The following COL6A6 variants were observed in gnomAD, a reference collection of about 807,000 sequenced individuals.
The protein encoded by COL6A6 is collagen alpha-6(VI) chain.
A neutral mutation model predicts 208.6 loss-of-function variants in COL6A6; 183 were observed. The observed-to-expected ratio is 0.88, with a 90% CI of 0.78 to 0.99. The LOEUF (loss-of-function observed/expected upper bound fraction) is 0.99. Among genes scored for constraint, COL6A6 ranks in the 50% least tolerant of loss-of-function variants. The pLI is 0.00. For missense variants in COL6A6, 2,816 were observed against 2,815.2 expected, an observed-to-expected ratio of 1.00 and a Z score of -0.01; for synonymous variants, 973 against 1,011.8, an observed-to-expected ratio of 0.96 and a Z score of 0.73.
At chr3:130,566,246 T>TA (rs1392520786) in intron 4 of COL6A6, among the ~76,000 whole-genome samples, 1 of 152,208 alleles carries the variant, frequency 6.6e-6, no homozygotes, top group Non-Finnish European at 1.5e-5. Flanking sequence ...GTCTCACTCA[T>TA]GAATAGTAGC....
intron 34 of COL6A6, among the ~76,000 whole-genome samples, chr3:130,661,376 A>G (rs2065925943): frequency 6.6e-6 from 1 of 152,180 alleles, no homozygotes; most frequent in African/African-American, 2.4e-5. Flanking sequence ...GCCAAGATTA[A>G]ACTTCTGTTG....
chr3:130,586,458 A>G, intron 10 of COL6A6, 48 bp from the exon 11 acceptor site: 1 of 1,544,000 alleles, frequency 6.5e-7, no homozygotes, highest in Non-Finnish European at 8.7e-7. Context: ...AAAAAACTAA[A>G]GTAACCAAAC....
At chr3:130,627,398 T>C (rs1442531575) in intron 26 of COL6A6, 29 bp downstream of exon 26, 1 of 1,609,248 alleles carries the variant, frequency 6.2e-7, no homozygotes. Flanking sequence ...AAGCTGGACG[T>C]TTTCCATTTA....
intron 24 of COL6A6, among the ~76,000 whole-genome samples, chr3:130,623,350 C>A (rs770833976): frequency 1.3e-5 from 2 of 151,988 alleles, no homozygotes; most frequent in Non-Finnish European, 2.9e-5. Context: ...CCCAGCTACT[C>A]GGGAGGCTAA....
At chr3:130,582,209 A>G (rs1337029149) in intron 10 of COL6A6, 141 bp downstream of exon 10, 14 of 595,814 alleles carry the variant, frequency 2.3e-5, no homozygotes, top group Non-Finnish European at 3.5e-5. Flanking sequence ...TGTACTAGGC[A>G]GAACAAATGA....
chr3:130,671,137 A>C (rs2066203560), intron 36 of COL6A6, among the ~76,000 whole-genome samples: 2 of 152,212 alleles, frequency 1.3e-5, no homozygotes, highest in South Asian at 4.1e-4. Context: ...GCAGATGGAG[A>C]GATCGCAGAA....
intron 13 of COL6A6, among the ~76,000 whole-genome samples, chr3:130,592,144 G>A (rs2063731495): frequency 1.3e-5 from 2 of 152,028 alleles, no homozygotes; most frequent in South Asian, 4.2e-4. Flanking sequence ...CAAAATTATG[G>A]GAGTGTTTAG....
Position 130,535,790 on chromosome 3 carries a change from A to T in COL6A6, c.-32+18393A>T, listed in dbSNP as rs79143597. 6.1e-3 allele frequency among the ~76,000 whole-genome samples: 924 copies of T among 152,238 alleles called. 11 individuals are homozygous for T. The highest frequency in any genetic ancestry group is 0.041 in the East Asian group (210 of 5,180). On this transcript the variant is annotated intron_variant, in intron 1 of 36. Coordinates refer to ENST00000358511, the MANE Select transcript of COL6A6 (RefSeq NM_001102608.3). The stretch of plus-strand genomic sequence containing the variant: ...TCTATCTACTCTTCACCAGACTTCT[A>T]AGTTTCTTATCTATGATTCTTCTTT...
chr3:130,668,523 A>T (rs2066132807), intron 36 of COL6A6, among the ~76,000 whole-genome samples: 1 of 152,156 alleles, frequency 6.6e-6, no homozygotes. Flanking sequence ...ACACACATCC[A>T]CAATATAAGG....
At chr3:130,652,923 T>C (rs1340262950) in intron 33 of COL6A6, among the ~76,000 whole-genome samples, 1 of 152,252 alleles carries the variant, frequency 6.6e-6, no homozygotes, top group Non-Finnish European at 1.5e-5. Context: ...CAGCCATGTG[T>C]GTTGGGACTC....
At chr3:130,526,599 A>C (rs1411846676) in intron 1 of COL6A6, among the ~76,000 whole-genome samples, 3 of 152,190 alleles carry the variant, frequency 2.0e-5, no homozygotes, top group Non-Finnish European at 4.4e-5. Flanking sequence ...TCCGCCAAGA[A>C]GTGATGGTGG....
At chr3:130,555,437 G>A (rs1334075905) in intron 1 of COL6A6, among the ~76,000 whole-genome samples, 1 of 152,136 alleles carries the variant, frequency 6.6e-6, no homozygotes, top group East Asian at 1.9e-4. Context: ...CTGAGAGTGT[G>A]TCAGTCTCCC....
chr3:130,645,977 G>T (rs2065452287), intron 32 of COL6A6, among the ~76,000 whole-genome samples: 1 of 152,086 alleles, frequency 6.6e-6, no homozygotes, highest in Non-Finnish European at 1.5e-5. Flanking sequence ...TAGGCATTAG[G>T]GATACAGAGT....
At chr3:130,672,610 G>T (rs1484153845) in intron 36 of COL6A6, among the ~76,000 whole-genome samples, 1 of 151,756 alleles carries the variant, frequency 6.6e-6, no homozygotes, top group Admixed American at 6.6e-5. Context: ...TACCATGTTG[G>T]CCAGGCTGGT....
intron 1 of COL6A6, among the ~76,000 whole-genome samples, chr3:130,532,198 G>C (rs145584673): frequency 2.5e-3 from 381 of 152,280 alleles, no homozygotes; most frequent in African/African-American, 8.6e-3. Context: ...TGGAAATGAT[G>C]CCACTTATCA....
chr3:130,613,712 A>T (rs778079181), intron 23 of COL6A6, among the ~76,000 whole-genome samples: 2 of 152,134 alleles, frequency 1.3e-5, no homozygotes, highest in African/African-American at 2.4e-5. Flanking sequence ...TTCTCATTTT[A>T]GAGATTGTTC....
chr3:130,604,611 G>T (rs754795841), intron 20 of COL6A6, among the ~76,000 whole-genome samples: 1 of 152,094 alleles, frequency 6.6e-6, no homozygotes, highest in Non-Finnish European at 1.5e-5. Flanking sequence ...CATCCATTAG[G>T]CTTATAAACT....
At chr3:130,567,802 G>A (rs2063064799) in intron 5 of COL6A6, among the ~76,000 whole-genome samples, 2 of 152,186 alleles carry the variant, frequency 1.3e-5, no homozygotes, top group Non-Finnish European at 1.5e-5. Flanking sequence ...ACTTGGCACA[G>A]TAAAAATGAT....
At chr3:130,607,093 A>G (rs1040219506) in intron 21 of COL6A6, 127 bp downstream of exon 21, 2 of 653,424 alleles carry the variant, frequency 3.1e-6, no homozygotes, top group African/African-American at 3.7e-5. Flanking sequence ...TAGAAAGCTG[A>G]AAAAATTTTA....
Sources: allele counts gnomAD v4.1 joint callset (sites outside exome capture counted in the v4.1 genomes callset), GRCh38; gene constraint gnomAD v4.1.1; transcripts MANE v1.5; gene names NCBI Gene and HGNC (gene_info 2026-07-23, HGNC 2026-07-21).